The following PLPPR1 variants were observed in gnomAD, a reference collection of about 807,000 sequenced individuals.
PLPPR1 encodes the protein phospholipid phosphatase-related protein type 1.
In PLPPR1, 10 loss-of-function variants were observed where a neutral mutation model predicts 33.1. That is an observed-to-expected ratio of 0.30 (90% CI 0.19 to 0.51). The LOEUF (loss-of-function observed/expected upper bound fraction) is 0.51. PLPPR1 is among the 20% of genes least tolerant of loss of function. The pLI, the probability that PLPPR1 is intolerant of heterozygous loss-of-function variation, is 0.97. For synonymous variants in PLPPR1, 151 were observed against 151.0 expected (o/e 1.00, Z 0.00); for missense variants, 304 against 408.1 (o/e 0.74, Z 2.20).
At chr9:101,246,326 T>C (rs891081564) in intron 2 of PLPPR1, among the ~76,000 whole-genome samples, 1 of 151,824 alleles carries the variant, frequency 6.6e-6, no homozygotes, top group Non-Finnish European at 1.5e-5. Flanking sequence ...TAACATTCCC[T>C]AATTAAGAGG....
chr9:101,053,572 C>T (rs564628630), intron 1 of PLPPR1, among the ~76,000 whole-genome samples: 15 of 152,220 alleles, frequency 9.9e-5, no homozygotes, highest in South Asian at 8.3e-4. Flanking sequence ...TATTCATGTC[C>T]CTGCTCTGGG....
At chr9:101,246,973 C>T (rs1827622390) in intron 2 of PLPPR1, among the ~76,000 whole-genome samples, 2 of 151,974 alleles carry the variant, frequency 1.3e-5, no homozygotes, top group African/African-American at 4.8e-5. Flanking sequence ...TATGAACTCT[C>T]AAATGCTTCT....
At position 101,323,967 on chromosome 9, in the gene PLPPR1, G is replaced by C. The variant is rs1207861699; in HGVS notation, c.946-58G>C. ...CAAGGGAATATTTAGGGACAAGTGA[G>C]TGTGCACGTGTCAGGCAACCCTATC... On this transcript the variant is annotated intron_variant, in intron 7 of 7. Transcript: ENST00000374874. 5 of 1,427,178 alleles carry C rather than the reference G, an allele frequency of 3.5e-6. No individual in the cohort carries two copies. In the East Asian group the frequency reaches 6.8e-5, roughly 20 times the overall value. 88.4% of individuals were successfully genotyped at this position (1,427,178 alleles called of 1,614,324 possible).
At chr9:101,199,446 G>A (rs1340451444) in intron 2 of PLPPR1, among the ~76,000 whole-genome samples, 5 of 152,094 alleles carry the variant, frequency 3.3e-5, no homozygotes, top group Non-Finnish European at 5.9e-5. Flanking sequence ...CAACTCTTCT[G>A]TCCTATTTTC....
At chr9:101,290,178 A>C (rs994727086) in intron 4 of PLPPR1, among the ~76,000 whole-genome samples, 1 of 152,228 alleles carries the variant, frequency 6.6e-6, no homozygotes, top group Non-Finnish European at 1.5e-5. Flanking sequence ...AAAATAAGGG[A>C]GTAATCAAAA....
intron 2 of PLPPR1, among the ~76,000 whole-genome samples, chr9:101,256,076 G>T (rs1356975165): frequency 6.6e-6 from 1 of 152,114 alleles, no homozygotes; most frequent in East Asian, 1.9e-4. Context: ...CACATTTGCT[G>T]CTGCTCCTCT....
intron 5 of PLPPR1, 25 bp downstream of exon 5, chr9:101,309,486 C>T (rs377608719): frequency 2.5e-6 from 4 of 1,607,306 alleles, no homozygotes; most frequent in East Asian, 2.2e-5. Flanking sequence ...CTTGTCTCTC[C>T]TAAGTCCAGT....
chr9:101,134,909 G>C (rs1430379032), intron 1 of PLPPR1, among the ~76,000 whole-genome samples: 2 of 152,090 alleles, frequency 1.3e-5, no homozygotes, highest in Non-Finnish European at 2.9e-5. Context: ...GTGGGGCTGG[G>C]TATGGCTTAT....
intron 1 of PLPPR1, among the ~76,000 whole-genome samples, chr9:101,111,023 T>C (rs1164669579): frequency 2.0e-5 from 3 of 152,128 alleles, no homozygotes; most frequent in Admixed American, 6.5e-5. Context: ...AATTATAGTT[T>C]GTTATTAAAA....
At chr9:101,079,418 G>A (rs1283008220) in intron 1 of PLPPR1, among the ~76,000 whole-genome samples, 2 of 152,072 alleles carry the variant, frequency 1.3e-5, no homozygotes, top group Non-Finnish European at 2.9e-5. Context: ...AGGTTTTGTT[G>A]TTGTTGTTGT....
intron 1 of PLPPR1, among the ~76,000 whole-genome samples, chr9:101,071,261 G>A (rs1830479244): frequency 6.6e-6 from 1 of 152,084 alleles, no homozygotes; most frequent in Non-Finnish European, 1.5e-5. Flanking sequence ...CTAGGTTTCT[G>A]GTTTAGGCAA....
chr9:101,116,777 C>G (rs1205457610), intron 1 of PLPPR1, among the ~76,000 whole-genome samples: 2 of 148,976 alleles, frequency 1.3e-5, no homozygotes, highest in Non-Finnish European at 3.0e-5. Flanking sequence ...CCACTGCACT[C>G]CAGCCTGGTG....
At chr9:101,182,693 G>GA (rs1428193031) in intron 1 of PLPPR1, among the ~76,000 whole-genome samples, 3 of 151,350 alleles carry the variant, frequency 2.0e-5, no homozygotes, top group Non-Finnish European at 4.4e-5. Flanking sequence ...GAAAAAGATG[G>GA]AAAAAATAAA....
At chr9:101,261,951 G>T (rs149097905) in intron 2 of PLPPR1, among the ~76,000 whole-genome samples, 85 of 151,344 alleles carry the variant, frequency 5.6e-4, no homozygotes, top group African/African-American at 1.8e-3. Flanking sequence ...TAACAAACCC[G>T]TACATCCTGC....
At chr9:101,113,786 C>T (rs1412736940) in intron 1 of PLPPR1, among the ~76,000 whole-genome samples, 1 of 151,814 alleles carries the variant, frequency 6.6e-6, no homozygotes, top group Non-Finnish European at 1.5e-5. Context: ...CACAAGAAAA[C>T]TTTTAAAAAA....
chr9:101,200,161 AAAG>A (rs1444619457), intron 2 of PLPPR1, among the ~76,000 whole-genome samples: 68 of 152,264 alleles, frequency 4.5e-4, no homozygotes, highest in Admixed American at 1.3e-3. Context: ...GTCCTCAACT[AAAG>A]AAGGAGGGGT....
chr9:101,201,623 T>C (rs1826494229), intron 2 of PLPPR1, among the ~76,000 whole-genome samples: 1 of 151,712 alleles, frequency 6.6e-6, no homozygotes. Context: ...TTAAATAGAG[T>C]TTTTAAGGTG....
chr9:101,275,264 CA>C (rs1828169111), intron 3 of PLPPR1, among the ~76,000 whole-genome samples: 1 of 152,218 alleles, frequency 6.6e-6, no homozygotes, highest in African/African-American at 2.4e-5. Context: ...TAGCACCCTG[CA>C]CTGCTGCGCG....
intron 1 of PLPPR1, among the ~76,000 whole-genome samples, chr9:101,127,824 C>G (rs957388038): frequency 6.6e-6 from 1 of 152,150 alleles, no homozygotes; most frequent in Admixed American, 6.5e-5. Flanking sequence ...ACATGCAAGC[C>G]TTGCCCCAGC....
Sources: gnomAD v4.1 joint callset for allele counts (sites outside exome capture counted in the v4.1 genomes callset) on GRCh38, gnomAD v4.1.1 for gene constraint, MANE v1.5 for transcripts, NCBI Gene and HGNC (gene_info 2026-07-23, HGNC 2026-07-21) for gene names.